The following INTS14 variants were observed in gnomAD, a reference collection of about 807,000 sequenced individuals.
INTS14 encodes integrator complex subunit 14.
INTS14 carries 27 observed loss-of-function variants against 56.9 expected under a neutral mutation model. The observed-to-expected ratio is 0.47, with a 90% CI of 0.35 to 0.65. INTS14 has a LOEUF of 0.65. Ranked by LOEUF, INTS14 falls within the 30% of genes least tolerant of loss-of-function variation. INTS14 has a pLI of 0.00. For missense variants in INTS14, 517 were observed against 632.2 expected (o/e 0.82, Z 1.95); for synonymous variants, 207 against 236.2 (o/e 0.88, Z 1.13).
chr15:65,605,314 A>G, intron 2 of INTS14, 78 bp from the exon 3 acceptor site: 1 of 1,122,936 alleles, frequency 8.9e-7, no homozygotes, highest in South Asian at 1.3e-5. Context: ...AATTGTTCAA[A>G]GTATGAATGT....
chr15:65,607,470 G>A (rs761897180), intron 1 of INTS14, 28 bp from the exon 2 acceptor site: 2 of 1,542,656 alleles, frequency 1.3e-6, no homozygotes, highest in African/African-American at 2.7e-5. Flanking sequence ...GTTCTTACAT[G>A]TCATGGAGAG....
chr15:65,589,150 A>G (rs1302141444), intron 9 of INTS14, among the ~76,000 whole-genome samples: 1 of 152,184 alleles, frequency 6.6e-6, no homozygotes, highest in East Asian at 1.9e-4. Context: ...GGTGAAAACC[A>G]TCACAATAGT....
chr15:65,579,651 G>T lies in INTS14; in HGVS notation c.1314C>A (p.Asn438Lys). 1 of 1,612,280 alleles carries T rather than the reference G, an allele frequency of 6.2e-7. No individual in the cohort carries two copies. Among genetic ancestry groups the T allele is most frequent in the Non-Finnish European group, 8.5e-7 (1 of 1,178,526 alleles). Residue 438 changes from asparagine to lysine, a missense_variant, in exon 12 of 12, where the codon AAC becomes AAA. By Grantham distance (94) the Asn-to-Lys change is moderately conservative. Coordinates refer to ENST00000313182, the MANE Select transcript of INTS14 (RefSeq NM_001394796.1). ...AGGCTAGAGCGGCCTTTCGCAAACG[G>T]TTCAGCTCCTGAAACAAGACAGAAA... ...EKTQTFYKEL[N>K]RLRKAALAFG...
intron 1 of INTS14, chr15:65,610,753 A>T: frequency 1.3e-6 from 2 of 1,535,714 alleles, no homozygotes; most frequent in South Asian, 2.4e-5. Context: ...TTTCATCTCT[A>T]AAAGTCCAGA....
rs1236628038 is a variant in INTS14, at chr15:65,579,650, G to A, written c.1315C>T (p.Arg439Cys). Reference sequence around the variant, plus strand: ...AAGGCTAGAGCGGCCTTTCGCAAACGGTTCAGCTCCTGAAACAAGACAGAA... The same window carrying A: ...AAGGCTAGAGCGGCCTTTCGCAAACAGTTCAGCTCCTGAAACAAGACAGAA... ...KTQTFYKELN[R>C]LRKAALAFGF... is the part of the protein sequence containing the mutation. Residue 439 changes from arginine (R) to cysteine (C), a missense_variant, in exon 12 of 12, where the codon CGT (arginine) becomes TGT (cysteine). Coordinates refer to ENST00000313182, the MANE Select transcript of INTS14 (RefSeq NM_001394796.1). The A allele has an allele frequency of 3.7e-6, 6 of 1,612,448 alleles. No homozygotes were observed. Among genetic ancestry groups the A allele is most frequent in the Non-Finnish European group, 4.2e-6 (5 of 1,178,692 alleles).
rs749850609 is a variant in INTS14 at position 65,599,880 on chromosome 15, C to T, written c.380G>A (p.Arg127Gln). The change falls in exon 4 of 12, where the codon CGA becomes CAA. Residue 127 changes from arginine to glutamine, a missense_variant. Transcript: ENST00000313182. ...GCLGIGRGSL[R>Q]HSLATQNQRS... ...TTGATTTTGAGTGGCTAGGGAATGT[C>T]GCAGTGACCCTCTACCAATGCCAAG... 1.1e-5 allele frequency: 18 copies of T among 1,613,998 alleles called. No homozygotes were observed. Among genetic ancestry groups the T allele is most frequent in the Admixed American group, 3.3e-5 (2 of 60,008 alleles).
intron 3 of INTS14, among the ~76,000 whole-genome samples, chr15:65,600,149 T>C (rs1293976747): frequency 6.7e-6 from 1 of 149,416 alleles, no homozygotes; most frequent in Non-Finnish European, 1.5e-5. Flanking sequence ...TAAAAAAACT[T>C]AGAAAAAAAA....
intron 1 of INTS14, among the ~76,000 whole-genome samples, chr15:65,609,219 C>T (rs1364855656): frequency 1.3e-5 from 2 of 152,150 alleles, no homozygotes; most frequent in Non-Finnish European, 2.9e-5. Flanking sequence ...TCCCAAAGTG[C>T]TGGGATTACA....
chr15:65,588,116 C>T (rs1398346044), intron 9 of INTS14, among the ~76,000 whole-genome samples: 1 of 150,648 alleles, frequency 6.6e-6, no homozygotes, highest in Non-Finnish European at 1.5e-5. Context: ...TGGTGAAACC[C>T]CGTACCTACT....
Position 65,598,857 on chromosome 15 carries a change from T to C in INTS14, c.605+15A>G. On this transcript the variant is annotated intron_variant, in intron 5 of 11. Transcript: ENST00000313182. ...GATTGTAAAGAAGGCAAAAGAGCTC[T>C]AAGCATATACTCACCCAAACATAGA... is the stretch of plus-strand genomic sequence containing the variant. 1 of 1,582,468 alleles carries C rather than the reference T, an allele frequency of 6.3e-7. No individual in the cohort carries two copies. Among genetic ancestry groups the C allele is most frequent in the South Asian group, 1.1e-5 (1 of 88,712 alleles).
chr15:65,595,710 G>A (rs371744375), intron 7 of INTS14, 23 bp downstream of exon 7: 565 of 1,550,132 alleles, frequency 3.6e-4, no homozygotes, highest in Non-Finnish European at 4.5e-4. Context: ...CGCTTCAGAC[G>A]TATCAGTGGA....
At chr15:65,588,110 G>A (rs1355603709) in intron 9 of INTS14, among the ~76,000 whole-genome samples, 1 of 151,608 alleles carries the variant, frequency 6.6e-6, no homozygotes, top group Non-Finnish European at 1.5e-5. Context: ...CCAACATGGT[G>A]AAACCCCGTA....
At chr15:65,605,266 T>G in intron 2 of INTS14, 30 bp from the exon 3 acceptor site, 1 of 1,533,740 alleles carries the variant, frequency 6.5e-7, no homozygotes, top group Non-Finnish European at 9.0e-7. Flanking sequence ...AATTGCTAGT[T>G]ACTCTTTAGT....
chr15:65,592,054 T>C (rs1037640547), intron 8 of INTS14, among the ~76,000 whole-genome samples: 5 of 152,212 alleles, frequency 3.3e-5, no homozygotes, highest in African/African-American at 9.7e-5. Context: ...CTGTGACCTA[T>C]AGGTCCTGTC....
At chr15:65,592,400 A>G (rs1037164347) in intron 8 of INTS14, among the ~76,000 whole-genome samples, 1 of 152,190 alleles carries the variant, frequency 6.6e-6, no homozygotes, top group African/African-American at 2.4e-5. Context: ...TTTTCTAAAA[A>G]TATGTATTAT....
chr15:65,579,706 A>C, intron 11 of INTS14, 47 bp from the exon 12 acceptor site: 4 of 1,584,338 alleles, frequency 2.5e-6, no homozygotes, highest in Non-Finnish European at 3.4e-6. Flanking sequence ...TGTGTTCCTA[A>C]CACATACTTT....
At position 65,579,060 on chromosome 15, in the gene INTS14, GCTTTC is replaced by G; in HGVS notation, c.*343_*347del. On this transcript the variant is annotated 3_prime_UTR_variant, in exon 12 of 12. Transcript: ENST00000313182. Reference sequence around the variant, plus strand: ...AGATATAAACGAGGGAAGAGGTGAAGCTTTCAGGAAGCCAGAGAGCCCCTGCCGGT... The same window carrying G: ...AGATATAAACGAGGGAAGAGGTGAAGAGGAAGCCAGAGAGCCCCTGCCGGT... The G allele has an allele frequency of 5.0e-6, 1 of 198,550 alleles. No individual in the cohort carries two copies. The highest frequency in any genetic ancestry group is 1.0e-5 in the Non-Finnish European group (1 of 97,350). The allele number at this position is 198,550 out of a possible 1,614,324, so 12.3% of individuals were successfully genotyped here.
chr15:65,604,367 C>A (rs1238530636), intron 3 of INTS14, among the ~76,000 whole-genome samples: 1 of 152,188 alleles, frequency 6.6e-6, no homozygotes, highest in Non-Finnish European at 1.5e-5. Context: ...TAGGCATGAG[C>A]CACCGCGCCT....
In INTS14 at chr15:65,611,122, C is replaced by A; in HGVS notation, c.-87G>T. 6.5e-7 allele frequency: 1 copy of A among 1,534,876 alleles called. No individual in the cohort carries two copies. The highest frequency in any genetic ancestry group is 8.7e-7 in the Non-Finnish European group (1 of 1,146,412). On this transcript the variant is annotated 5_prime_UTR_variant, in exon 1 of 12. Coordinates refer to ENST00000313182, the MANE Select transcript of INTS14 (RefSeq NM_001394796.1). Reference sequence around the variant, plus strand: ...CCCCGTGCCCATCGCCGGACACAGTCCGTCGGCATAAACTTTCCGTCGGCA... The same window carrying A: ...CCCCGTGCCCATCGCCGGACACAGTACGTCGGCATAAACTTTCCGTCGGCA...
Sources: gnomAD v4.1 joint callset for allele counts (sites outside exome capture counted in the v4.1 genomes callset) on GRCh38, gnomAD v4.1.1 for gene constraint, MANE v1.5 for transcripts, NCBI Gene and HGNC (gene_info 2026-07-23, HGNC 2026-07-21) for gene names.